NTNG1: variants seen among roughly 807,000 people sequenced by gnomAD.
The protein encoded by NTNG1 is netrin G1.
In NTNG1, 16 loss-of-function variants were observed where a neutral mutation model predicts 54.0. The observed-to-expected ratio is 0.30, with a 90% CI of 0.20 to 0.45. NTNG1 has a LOEUF of 0.45. Among genes scored for constraint, NTNG1 ranks in the 20% least tolerant of loss-of-function variants. NTNG1 has a pLI of 1.00. For missense variants in NTNG1, 530 were observed against 678.7 expected, an observed-to-expected ratio of 0.78 and a Z score of 2.43; for synonymous variants, 255 against 263.1, an observed-to-expected ratio of 0.97 and a Z score of 0.30.
chr1:107,207,481 G>A (rs1659281077), intron 2 of NTNG1, among the ~76,000 whole-genome samples: 2 of 152,144 alleles, frequency 1.3e-5, no homozygotes, highest in African/African-American at 4.8e-5. Flanking sequence ...AGATCCCATT[G>A]TGTACTTATT....
intron 4 of NTNG1, among the ~76,000 whole-genome samples, chr1:107,404,815 A>G (rs1054089955): frequency 1.3e-5 from 2 of 152,158 alleles, no homozygotes; most frequent in African/African-American, 4.8e-5. Flanking sequence ...GAAGGAAATA[A>G]ATAACTTCTG....
At chr1:107,470,020 G>C (rs1009950688) in intron 7 of NTNG1, among the ~76,000 whole-genome samples, 1 of 152,120 alleles carries the variant, frequency 6.6e-6, no homozygotes, top group Non-Finnish European at 1.5e-5. Context: ...CAACAAGATG[G>C]TCATCCGTTG....
intron 3 of NTNG1, among the ~76,000 whole-genome samples, chr1:107,375,088 A>T (rs1671150299): frequency 6.6e-6 from 1 of 152,128 alleles, no homozygotes. Context: ...CCCTGCCTTC[A>T]TGTAGTTTCT....
intron 7 of NTNG1, among the ~76,000 whole-genome samples, chr1:107,451,042 G>A (rs551771074): frequency 6.6e-6 from 1 of 151,844 alleles, no homozygotes; most frequent in Admixed American, 6.6e-5. Flanking sequence ...TACCCTTAGG[G>A]GTTTGTATGT....
rs1678673975 is a variant in NTNG1 at position 107,480,950 on chromosome 1, C to T, written c.*110C>T. On this transcript the variant is annotated 3_prime_UTR_variant, in exon 8 of 8. Coordinates refer to ENST00000370068, the MANE Select transcript of NTNG1 (RefSeq NM_001113226.3). ...ACACATACAGACACCCCCACTCAGA[C>T]AGTGTACAAACTAAGAAGGCCTAAC... 1.3e-6 allele frequency: 1 copy of T among 798,004 alleles called. No homozygotes were observed. Among genetic ancestry groups the T allele is most frequent in the African/African-American group, 1.7e-5 (1 of 58,514 alleles). The allele number at this position is 798,004 out of a possible 1,614,324, so 49.4% of individuals were successfully genotyped here.
chr1:107,439,436 G>A (rs1675821711), intron 7 of NTNG1, among the ~76,000 whole-genome samples: 1 of 152,064 alleles, frequency 6.6e-6, no homozygotes, highest in African/African-American at 2.4e-5. Flanking sequence ...ATCATCTGGA[G>A]AAGATATGTG....
At chr1:107,222,189 T>C (rs1660389193) in intron 2 of NTNG1, among the ~76,000 whole-genome samples, 1 of 152,126 alleles carries the variant, frequency 6.6e-6, no homozygotes, top group South Asian at 2.1e-4. Context: ...GCTTCTCTTC[T>C]GGGGACTCCC....
chr1:107,396,444 A>T (rs192678912), intron 4 of NTNG1, among the ~76,000 whole-genome samples: 87 of 152,290 alleles, frequency 5.7e-4, no homozygotes, highest in Non-Finnish European at 1.1e-3. Flanking sequence ...CAAAAGGTTT[A>T]AAAAAATCCC....
chr1:107,326,646 A>G (rs1667971160), intron 3 of NTNG1, among the ~76,000 whole-genome samples: 1 of 152,120 alleles, frequency 6.6e-6, no homozygotes, highest in Non-Finnish European at 1.5e-5. Flanking sequence ...TGTAATCTAC[A>G]TTGCTCGGTA....
intron 3 of NTNG1, among the ~76,000 whole-genome samples, chr1:107,346,397 G>T (rs1669235611): frequency 6.6e-6 from 1 of 152,196 alleles, no homozygotes; most frequent in Non-Finnish European, 1.5e-5. Flanking sequence ...CCCAGATGCA[G>T]AGTGGGAACT....
At chr1:107,202,747 A>G (rs1658853629) in intron 2 of NTNG1, among the ~76,000 whole-genome samples, 1 of 151,928 alleles carries the variant, frequency 6.6e-6, no homozygotes, top group Admixed American at 6.6e-5. Context: ...AACTATCACC[A>G]CAATCAGAAT....
chr1:107,217,002 A>C (rs1490277062), intron 2 of NTNG1, among the ~76,000 whole-genome samples: 1 of 152,160 alleles, frequency 6.6e-6, no homozygotes, highest in African/African-American at 2.4e-5. Context: ...TATCTTTTGG[A>C]ATAGTGCCAA....
At chr1:107,151,184 C>T (rs1386777588) in intron 2 of NTNG1, among the ~76,000 whole-genome samples, 1 of 152,086 alleles carries the variant, frequency 6.6e-6, no homozygotes, top group South Asian at 2.1e-4. Context: ...AAATATATAC[C>T]TTGTGACTAT....
chr1:107,445,143 G>C (rs1168036276), intron 7 of NTNG1, among the ~76,000 whole-genome samples: 3 of 152,110 alleles, frequency 2.0e-5, no homozygotes, highest in Non-Finnish European at 4.4e-5. Flanking sequence ...GATAGACTAT[G>C]ATGAGAGGGT....
chr1:107,248,749 A>G (rs1219358295), intron 2 of NTNG1, among the ~76,000 whole-genome samples: 6 of 152,128 alleles, frequency 3.9e-5, no homozygotes, highest in African/African-American at 1.4e-4. Flanking sequence ...ATTTCACATC[A>G]TTCTTTCATG....
rs139352358 is a variant in NTNG1 at position 107,274,786 on chromosome 1, C to T, written c.247-49496C>T. Among the ~76,000 whole-genome samples the T allele has an allele frequency of 1.5e-3, 230 of 152,254 alleles. 1 individual carries two copies. Among genetic ancestry groups the T allele is most frequent in the African/African-American group, 5.3e-3 (222 of 41,550 alleles). ...TGAAGAATTTATATTTGATTCTATG[C>T]GGGCATTGGAATACTGTTAAAATTA... On this transcript the variant is annotated intron_variant, in intron 2 of 7. Coordinates refer to ENST00000370068, the MANE Select transcript of NTNG1 (RefSeq NM_001113226.3).
chr1:107,203,062 C>T (rs79493929), intron 2 of NTNG1, among the ~76,000 whole-genome samples: 2,114 of 152,040 alleles, frequency 0.014, 41 homozygotes, highest in African/African-American at 0.049. Flanking sequence ...TGTACACACA[C>T]TGACCCTCCA....
At chr1:107,432,378 G>A (rs1675326693) in intron 6 of NTNG1, among the ~76,000 whole-genome samples, 1 of 152,136 alleles carries the variant, frequency 6.6e-6, no homozygotes. Context: ...TACAGCAAAG[G>A]GTTTCTGACT....
At chr1:107,221,326 C>T (rs114101353) in intron 2 of NTNG1, among the ~76,000 whole-genome samples, 389 of 152,294 alleles carry the variant, frequency 2.6e-3, no homozygotes, top group African/African-American at 9.0e-3. Flanking sequence ...CACACTCCTA[C>T]AGGCAAGGAA....
Sources: gnomAD v4.1 joint callset for allele counts (sites outside exome capture counted in the v4.1 genomes callset) on GRCh38, gnomAD v4.1.1 for gene constraint, MANE v1.5 for transcripts, NCBI Gene and HGNC (gene_info 2026-07-23, HGNC 2026-07-21) for gene names.